PTPRG: variants seen among roughly 807,000 people sequenced by gnomAD.
PTPRG encodes the protein protein tyrosine phosphatase receptor type G, also known as receptor-type tyrosine-protein phosphatase gamma.
In PTPRG, 102 loss-of-function variants were observed where a neutral mutation model predicts 165.3. The observed-to-expected ratio is 0.62, with a 90% CI of 0.53 to 0.73. PTPRG has a LOEUF of 0.73. Among genes scored for constraint, PTPRG ranks in the 30% least tolerant of loss-of-function variants. The pLI, the probability that PTPRG is intolerant of heterozygous loss-of-function variation, is 0.00. For synonymous variants in PTPRG, 675 were observed against 669.5 expected (o/e 1.01, Z -0.13); for missense variants, 1,866 against 1,861.4 (o/e 1.00, Z -0.05).
intron 2 of PTPRG, among the ~76,000 whole-genome samples, chr3:61,922,753 G>C (rs369530661): frequency 2.6e-5 from 4 of 152,172 alleles, no homozygotes; most frequent in Non-Finnish European, 5.9e-5. Context: ...TGATCGTCCT[G>C]CTTCAGCCTC....
chr3:61,818,436 AGAG>A (rs1366203547), intron 2 of PTPRG, among the ~76,000 whole-genome samples: 4 of 152,172 alleles, frequency 2.6e-5, no homozygotes, highest in South Asian at 2.1e-4. Flanking sequence ...AAGAGCAAGT[AGAG>A]GAGGAGAAGA....
intron 4 of PTPRG, among the ~76,000 whole-genome samples, chr3:62,060,325 G>C (rs1156355587): frequency 2.6e-5 from 4 of 152,132 alleles, no homozygotes; most frequent in South Asian, 2.1e-4. Context: ...GCAGATCAGG[G>C]ACTATCATTT....
intron 1 of PTPRG, among the ~76,000 whole-genome samples, chr3:61,715,169 C>CA (rs2031749537): frequency 6.7e-6 from 1 of 148,412 alleles, no homozygotes; most frequent in African/African-American, 2.5e-5. Context: ...CTCCTGCTTG[C>CA]TTTTTTTTTC....
At chr3:61,855,777 C>T (rs2037089220) in intron 2 of PTPRG, among the ~76,000 whole-genome samples, 1 of 150,330 alleles carries the variant, frequency 6.7e-6, no homozygotes, top group Non-Finnish European at 1.5e-5. Context: ...CATTAGGAAG[C>T]TTGCTGAGGT....
At chr3:61,959,859 C>G (rs1341447831) in intron 2 of PTPRG, among the ~76,000 whole-genome samples, 4 of 152,164 alleles carry the variant, frequency 2.6e-5, no homozygotes, top group African/African-American at 9.6e-5. Flanking sequence ...CTTCTTTGCC[C>G]TTTAAGAGAA....
chr3:61,831,529 A>T (rs2036294879), intron 2 of PTPRG, among the ~76,000 whole-genome samples: 1 of 152,122 alleles, frequency 6.6e-6, no homozygotes, highest in Non-Finnish European at 1.5e-5. Flanking sequence ...TGTTCAACCC[A>T]GCTTAAAGTT....
chr3:61,701,143 C>T (rs756166264), intron 1 of PTPRG, among the ~76,000 whole-genome samples: 5 of 152,146 alleles, frequency 3.3e-5, no homozygotes, highest in East Asian at 1.9e-4. Context: ...TGTGTTTTCA[C>T]GGAGTAGTCC....
intron 4 of PTPRG, among the ~76,000 whole-genome samples, chr3:62,011,165 G>A (rs1049523544): frequency 1.3e-5 from 2 of 152,178 alleles, no homozygotes; most frequent in African/African-American, 4.8e-5. Context: ...CCCTTAGACT[G>A]AGCTGCTTCA....
chr3:62,109,799 C>T (rs887915401), intron 5 of PTPRG, among the ~76,000 whole-genome samples: 2 of 152,190 alleles, frequency 1.3e-5, no homozygotes, highest in Admixed American at 1.3e-4. Flanking sequence ...TTCTGGGCTG[C>T]TCCTTCTAAT....
intron 2 of PTPRG, among the ~76,000 whole-genome samples, chr3:61,906,055 A>G (rs1475549158): frequency 1.3e-5 from 2 of 152,186 alleles, no homozygotes; most frequent in Admixed American, 6.5e-5. Flanking sequence ...TTTTAGCTCT[A>G]AAAGTACATG....
chr3:62,067,642 G>A (rs1445369601), intron 4 of PTPRG, among the ~76,000 whole-genome samples: 1 of 152,158 alleles, frequency 6.6e-6, no homozygotes, highest in Middle Eastern at 3.2e-3. Flanking sequence ...GGGAGACAGC[G>A]ACAGATCATC....
rs1056458671 is a variant in PTPRG at position 61,655,358 on chromosome 3, A to G, written c.85+92986A>G. ...ATTTGTTGACCTGTTCATGATATTC[A>G]TTAATCCTGTAGATTAAGATCTTCA... On this transcript the variant is annotated intron_variant, in intron 1 of 29. Transcript: ENST00000474889. Among the ~76,000 whole-genome samples the G allele has an allele frequency of 1.6e-4, 24 of 152,130 alleles. 1 individual carries two copies. The highest frequency in any genetic ancestry group is 6.2e-4 in the South Asian group (3 of 4,818).
chr3:61,586,642 G>A (rs1046276706), intron 1 of PTPRG, among the ~76,000 whole-genome samples: 1 of 152,212 alleles, frequency 6.6e-6, no homozygotes, highest in Non-Finnish European at 1.5e-5. Context: ...GAGACCAATA[G>A]GGTTGTGAGA....
intron 2 of PTPRG, among the ~76,000 whole-genome samples, chr3:61,794,520 A>G (rs953645980): frequency 1.3e-5 from 2 of 152,210 alleles, no homozygotes; most frequent in Admixed American, 1.3e-4. Flanking sequence ...CTTTGAGCAG[A>G]TGTTAACTGT....
intron 2 of PTPRG, among the ~76,000 whole-genome samples, chr3:61,760,936 ATTCC>A (rs1229280998): frequency 1.3e-5 from 2 of 152,114 alleles, no homozygotes; most frequent in Non-Finnish European, 2.9e-5. Context: ...GAAGGATCTC[ATTCC>A]TTTGTATGGC....
Position 62,141,824 on chromosome 3 carries a change from A to T in PTPRG, c.682+9156A>T, listed in dbSNP as rs140730170. 2.7e-4 allele frequency among the ~76,000 whole-genome samples: 41 copies of T among 151,226 alleles called. No homozygotes were observed. In the East Asian group the frequency reaches 7.1e-3, roughly 26 times the overall value. ...CTTGGGAGGCTGAGGCATGAGAATCACTTGAACCCAGGAGGTTGAGGCTGC... is the reference window on the plus strand; with the variant it reads ...CTTGGGAGGCTGAGGCATGAGAATCTCTTGAACCCAGGAGGTTGAGGCTGC... On this transcript the variant is annotated intron_variant, in intron 6 of 29. Coordinates refer to ENST00000474889, the MANE Select transcript of PTPRG (RefSeq NM_002841.4).
Position 61,562,303 on chromosome 3 carries a change from G to C in PTPRG, c.16G>C (p.Glu6Gln), listed in dbSNP as rs1230773127. Residue 6 changes from glutamate (E) to glutamine (Q), a missense_variant, in exon 1 of 30, where the codon GAA becomes CAA. Coordinates refer to ENST00000474889, the MANE Select transcript of PTPRG (RefSeq NM_002841.4). MRRLL[E>Q]PCWWILFLKI... ...GTTTTCGGACATGCGGAGGTTACTG[G>C]AACCGTGTTGGTGGATTTTGTTCCT... 6.2e-7 allele frequency: 1 copy of C among 1,613,672 alleles called. No homozygotes were observed. Among genetic ancestry groups the C allele is most frequent in the Admixed American group, 1.7e-5 (1 of 60,012 alleles).
At chr3:61,626,071 G>T (rs1701601389) in intron 1 of PTPRG, among the ~76,000 whole-genome samples, 1 of 151,452 alleles carries the variant, frequency 6.6e-6, no homozygotes, top group South Asian at 2.1e-4. Context: ...TGTTTGTAGG[G>T]GCTTGTCTTC....
At chr3:61,775,886 T>A (rs933761078) in intron 2 of PTPRG, among the ~76,000 whole-genome samples, 6 of 138,244 alleles carry the variant, frequency 4.3e-5, no homozygotes, top group South Asian at 2.3e-4. Context: ...ATGAGAACAC[T>A]TGGACACAGG....
Sources: allele counts gnomAD v4.1 joint callset (sites outside exome capture counted in the v4.1 genomes callset), GRCh38; gene constraint gnomAD v4.1.1; transcripts MANE v1.5; gene names NCBI Gene and HGNC (gene_info 2026-07-23, HGNC 2026-07-21).